ELAPOR2: variants seen among roughly 807,000 people sequenced by gnomAD.
The protein encoded by ELAPOR2 is endosome/lysosome-associated apoptosis and autophagy regulator family member 2.
Under a neutral mutation model 120.7 loss-of-function variants are expected in ELAPOR2, and 89 were observed. That is an observed-to-expected ratio of 0.74 (90% CI 0.62 to 0.88). The LOEUF (loss-of-function observed/expected upper bound fraction) is 0.88, where lower values mean the gene tolerates loss of function less well. Among genes scored for constraint, ELAPOR2 ranks in the 40% least tolerant of loss-of-function variants. The probability of loss-of-function intolerance (pLI) is 0.00; values close to 1 mark genes in which losing one functional copy is unlikely to be tolerated. For synonymous variants in ELAPOR2, 444 were observed against 444.9 expected (o/e 1.00, Z 0.03); for missense variants, 1,134 against 1,251.6 (o/e 0.91, Z 1.42).
intron 1 of ELAPOR2, among the ~76,000 whole-genome samples, chr7:87,032,950 G>A (rs1243558155): frequency 6.6e-6 from 1 of 152,104 alleles, no homozygotes; most frequent in East Asian, 1.9e-4. Context: ...AAAGATTTCT[G>A]AAACACATGA....
At chr7:86,985,541 CA>C (rs1792695727) in intron 1 of ELAPOR2, among the ~76,000 whole-genome samples, 1 of 152,276 alleles carries the variant, frequency 6.6e-6, no homozygotes, top group Admixed American at 6.5e-5. Flanking sequence ...TCAACATACG[CA>C]AATCAATAAA....
intron 8 of ELAPOR2, among the ~76,000 whole-genome samples, chr7:86,929,966 G>A (rs1790256183): frequency 1.3e-5 from 2 of 151,818 alleles, no homozygotes; most frequent in Admixed American, 6.6e-5. Flanking sequence ...CACGTTTCCT[G>A]TACAGCCTAC....
chr7:86,984,723 A>C (rs2116569977), intron 1 of ELAPOR2, among the ~76,000 whole-genome samples: 1 of 152,362 alleles, frequency 6.6e-6, no homozygotes, highest in East Asian at 1.9e-4. Flanking sequence ...AATGCCCATA[A>C]GAGAAAGCAT....
intron 1 of ELAPOR2, among the ~76,000 whole-genome samples, chr7:86,988,572 G>T (rs1792837202): frequency 6.6e-6 from 1 of 152,014 alleles, no homozygotes; most frequent in South Asian, 2.1e-4. Context: ...ATCTACTAGG[G>T]GTTCCGGAAC....
At chr7:86,928,899 G>C (rs1387168263) in intron 8 of ELAPOR2, among the ~76,000 whole-genome samples, 1 of 151,846 alleles carries the variant, frequency 6.6e-6, no homozygotes, top group African/African-American at 2.4e-5. Flanking sequence ...CTTTCTAATG[G>C]AGACAGATGC....
At chr7:86,881,698 G>A (rs574388347) in intron 21 of ELAPOR2, among the ~76,000 whole-genome samples, 1 of 152,116 alleles carries the variant, frequency 6.6e-6, no homozygotes, top group Non-Finnish European at 1.5e-5. Context: ...ATTTTGCCAT[G>A]TTGCCCAGGC....
rs541741275 is a variant in ELAPOR2, at chr7:86,877,755, A to C, written c.*2716T>G. ...CTGGACCCAAGTAATTCTTCCACAT[A>C]ATCAATTTAAACAACCTTTTTTCTT... On this transcript the variant is annotated 3_prime_UTR_variant, in exon 22 of 22. Coordinates refer to ENST00000450689, the MANE Select transcript of ELAPOR2 (RefSeq NM_001142749.3). 7 of 152,272 alleles carry C rather than the reference A, an allele frequency of 4.6e-5. No homozygotes were observed. The South Asian group carries it at 1.2e-3, about 27-fold the overall frequency. 9.4% of individuals were successfully genotyped at this position (152,272 alleles called of 1,614,324 possible).
At chr7:87,011,249 C>CAAAAAA (rs772971682) in intron 1 of ELAPOR2, among the ~76,000 whole-genome samples, 12 of 52,798 alleles carry the variant, frequency 2.3e-4, no homozygotes, top group East Asian at 1.2e-3. Flanking sequence ...GACTCCATCT[C>CAAAAAA]AAAAAAAAAA....
At chr7:86,952,424 C>A (rs1584389393) in intron 2 of ELAPOR2, among the ~76,000 whole-genome samples, 1 of 152,124 alleles carries the variant, frequency 6.6e-6, no homozygotes, top group African/African-American at 2.4e-5. Context: ...AAAGGTGGGG[C>A]CTCAGAGAAA....
intron 1 of ELAPOR2, among the ~76,000 whole-genome samples, chr7:87,006,795 G>A (rs1321740094): frequency 6.6e-6 from 1 of 152,076 alleles, no homozygotes; most frequent in Non-Finnish European, 1.5e-5. Context: ...CTGAAAACTA[G>A]AAACAACCCA....
chr7:87,025,695 T>A (rs2116715006), intron 1 of ELAPOR2, among the ~76,000 whole-genome samples: 1 of 152,254 alleles, frequency 6.6e-6, no homozygotes, highest in Admixed American at 6.5e-5. Flanking sequence ...TACTGTAAAT[T>A]AAGGCCAATT....
At chr7:86,986,643 T>C (rs1792750883) in intron 1 of ELAPOR2, among the ~76,000 whole-genome samples, 2 of 150,164 alleles carry the variant, frequency 1.3e-5, no homozygotes, top group Non-Finnish European at 1.5e-5. Flanking sequence ...TTACAAGGGA[T>C]GTGAAGGACC....
chr7:86,918,590 A>T, intron 11 of ELAPOR2, 46 bp from the exon 12 acceptor site: 1 of 1,150,008 alleles, frequency 8.7e-7, no homozygotes, highest in Non-Finnish European at 1.3e-6. Context: ...TGTTCTAAAT[A>T]CAATTTAGAA....
chr7:87,035,424 A>C (rs1382537485), intron 1 of ELAPOR2, among the ~76,000 whole-genome samples: 2 of 152,236 alleles, frequency 1.3e-5, no homozygotes, highest in African/African-American at 4.8e-5. Context: ...CTTGTCCTCT[A>C]AATGAGCATT....
chr7:86,955,795 T>C (rs1235977741), intron 2 of ELAPOR2, among the ~76,000 whole-genome samples: 1 of 152,030 alleles, frequency 6.6e-6, no homozygotes, highest in East Asian at 1.9e-4. Context: ...AGTTCAACTT[T>C]TCTACTGTTT....
intron 19 of ELAPOR2, among the ~76,000 whole-genome samples, chr7:86,894,816 T>C (rs1195766381): frequency 6.6e-6 from 1 of 152,046 alleles, no homozygotes; most frequent in African/African-American, 2.4e-5. Flanking sequence ...ACAGTCCCCT[T>C]AGTGATAACA....
At chr7:86,931,394 T>C (rs1401551158) in intron 8 of ELAPOR2, among the ~76,000 whole-genome samples, 1 of 151,898 alleles carries the variant, frequency 6.6e-6, no homozygotes, top group Non-Finnish European at 1.5e-5. Flanking sequence ...CAAATCTCTG[T>C]AAGACAAGTA....
In ELAPOR2 at chr7:86,893,103, T is replaced by A. The variant is rs747006455; in HGVS notation, c.2686-3A>T. The stretch of plus-strand genomic sequence containing the variant: ...TCATTCCACACATACAAGGTTTCCT[T>A]TAAAAAAAAAAACATAAAACCATAG... On this transcript the variant is annotated splice_polypyrimidine_tract_variant and splice_region_variant and intron_variant, in intron 19 of 21. Transcript: ENST00000450689. 9.4e-5 allele frequency: 143 copies of A among 1,523,750 alleles called. No individual in the cohort carries two copies. The highest frequency in any genetic ancestry group is 2.5e-5 in the Admixed American group (1 of 39,724). The allele number at this position is 1,523,750 out of a possible 1,614,324, so 94.4% of individuals were successfully genotyped here.
At chr7:86,947,962 C>T (rs2116387853) in intron 2 of ELAPOR2, 40 bp from the exon 3 acceptor site, 1 of 1,352,534 alleles carries the variant, frequency 7.4e-7, no homozygotes, top group African/African-American at 1.4e-5. Context: ...ACTTACCCTC[C>T]CATCAATTTC....
Sources: gnomAD v4.1 joint callset for allele counts (sites outside exome capture counted in the v4.1 genomes callset) on GRCh38, gnomAD v4.1.1 for gene constraint, MANE v1.5 for transcripts, NCBI Gene and HGNC (gene_info 2026-07-23, HGNC 2026-07-21) for gene names.